The following BRF1 variants were observed in gnomAD, a reference collection of about 807,000 sequenced individuals.
BRF1 encodes BRF1 general transcription factor IIIB subunit.
In BRF1, 59 loss-of-function variants were observed where a neutral mutation model predicts 81.7. That is an observed-to-expected ratio of 0.72 (90% CI 0.59 to 0.90). BRF1 has a LOEUF of 0.90. Among genes scored for constraint, BRF1 ranks in the 40% least tolerant of loss-of-function variants. The pLI is 0.00. For missense variants in BRF1, 1,050 were observed against 936.3 expected (o/e 1.12, Z -1.58); for synonymous variants, 491 against 395.6 (o/e 1.24, Z -2.86).
chr14:105,222,300 A>T, intron 10 of BRF1: 1 of 183,360 alleles, frequency 5.5e-6, no homozygotes, highest in South Asian at 1.4e-4. Flanking sequence ...AAGACAGCCC[A>T]CAGGCTTATC....
chr14:105,256,389 T>TG, intron 4 of BRF1, 129 bp downstream of exon 4: 1 of 1,602,604 alleles, frequency 6.2e-7, no homozygotes. Flanking sequence ...ACTTCCTGAC[T>TG]GGGCAGGCAG....
intron 5 of BRF1, chr14:105,250,610 G>A: frequency 6.2e-7 from 1 of 1,613,998 alleles, no homozygotes; most frequent in Non-Finnish European, 8.5e-7. Flanking sequence ...GTGCTCCTCG[G>A]ACAGCACCAA....
rs1043557000 is a variant in BRF1 at position 105,241,208 on chromosome 14, A to G, written c.694+57T>C. 4.3e-5 allele frequency: 69 copies of G among 1,592,372 alleles called. 1 individual carries two copies. The highest frequency in any genetic ancestry group is 1.0e-4 in the Admixed American group (6 of 59,244). On this transcript the variant is annotated intron_variant, in intron 6 of 17. Transcript: ENST00000547530. Reference sequence around the variant, plus strand: ...AGCCCACCAGCACTCAGGAGTCAGGAAAGTGTGAGGCCAGGACCCAGACCA... The same window carrying G: ...AGCCCACCAGCACTCAGGAGTCAGGGAAGTGTGAGGCCAGGACCCAGACCA...
rs966714088 is a variant in BRF1, at chr14:105,269,748, A to G, written c.439+2973T>C. The stretch of plus-strand genomic sequence containing the variant: ...CCCATGAAGGCCCATGTCCCAGGGC[A>G]TCTGTCCCCCCCACAGGAGGCCCAG... On this transcript the variant is annotated intron_variant, in intron 3 of 17. Transcript: ENST00000547530. The surrounding 1 kb of genome is among the most constrained non-coding windows in gnomAD (Gnocchi z 5.0). 6.6e-6 allele frequency among the ~76,000 whole-genome samples: 1 copy of G among 152,160 alleles called. No homozygotes were observed. The highest frequency in any genetic ancestry group is 1.5e-5 in the Non-Finnish European group (1 of 68,002).
chr14:105,267,932 C>G (rs73353747), intron 3 of BRF1, among the ~76,000 whole-genome samples: 6,813 of 152,344 alleles, frequency 0.045, 525 homozygotes, highest in African/African-American at 0.16. Flanking sequence ...AGTGTGGCGG[C>G]TGGCGGCAGA....
chr14:105,241,589 G>A lies in BRF1; in HGVS notation c.545-175C>T, dbSNP rs142711972. The A allele has an allele frequency of 1.7e-4, 142 of 836,084 alleles. No homozygotes were observed. The East Asian group carries it at 3.6e-3, about 21-fold the overall frequency. The allele number at this position is 836,084 out of a possible 1,614,324, so 51.8% of individuals were successfully genotyped here. On this transcript the variant is annotated intron_variant, in intron 5 of 17. Transcript: ENST00000547530. ...CTGACCCTCAGCTAGGGCAGCCATC[G>A]CACCGAACCCAGGAGAGCCACTGGC...
At position 105,300,593 on chromosome 14, in the gene BRF1, C is replaced by A; in HGVS notation, c.37G>T (p.Asp13Tyr). The A allele has an allele frequency of 6.9e-7, 1 of 1,457,082 alleles. No individual in the cohort carries two copies. Among genetic ancestry groups the A allele is most frequent in the Non-Finnish European group, 9.0e-7 (1 of 1,108,344 alleles). The allele number at this position is 1,457,082 out of a possible 1,614,324, so 90.3% of individuals were successfully genotyped here. ...CCGCGCGCCGCGTCCAGCTCGATGTCCGTGCCGCCGCAACCGCGGCACACG... is the reference window on the plus strand; with the variant it reads ...CCGCGCGCCGCGTCCAGCTCGATGTACGTGCCGCCGCAACCGCGGCACACG... ...GRVCRGCGGT[D>Y]IELDAARGDA... The change falls in exon 1 of 18, where the codon GAC (aspartate) becomes TAC (tyrosine). Residue 13 changes from aspartate to tyrosine, a missense_variant. This residue lies in a region of BRF1 where 1,043 missense variants were observed against 915.4 expected (regional missense o/e 1.14). Coordinates refer to ENST00000547530, the MANE Select transcript of BRF1 (RefSeq NM_001519.4).
intron 5 of BRF1, chr14:105,249,302 G>A: frequency 1.3e-6 from 2 of 1,583,996 alleles, no homozygotes; most frequent in Non-Finnish European, 8.6e-7. Flanking sequence ...CGTCCGCCGT[G>A]TGGCTGACAC....
At chr14:105,310,533 CAAAAAAAAAA>C (rs764203821) in intron 1 of BRF1, among the ~76,000 whole-genome samples, 5 of 79,742 alleles carry the variant, frequency 6.3e-5, no homozygotes, top group Non-Finnish European at 9.1e-5. Flanking sequence ...GACTCTGTCT[CAAAAAAAAAA>C]AAAAAAAAAA....
At chr14:105,297,622 G>C (rs752168593) in intron 1 of BRF1, among the ~76,000 whole-genome samples, 2 of 152,036 alleles carry the variant, frequency 1.3e-5, no homozygotes, top group African/African-American at 4.8e-5. Context: ...ATATCAAGAG[G>C]TTTAATGCAA....
At chr14:105,270,791 GAA>G (rs78282645) in intron 3 of BRF1, among the ~76,000 whole-genome samples, 5 of 137,012 alleles carry the variant, frequency 3.6e-5, no homozygotes, top group Non-Finnish European at 4.8e-5. Flanking sequence ...ACCCTGTCTG[GAA>G]AAAAAAAAAA....
chr14:105,229,643 C>CG (rs1259085093), intron 6 of BRF1, among the ~76,000 whole-genome samples: 2 of 150,936 alleles, frequency 1.3e-5, no homozygotes, highest in Non-Finnish European at 1.5e-5. Flanking sequence ...CAGCTGGGGG[C>CG]GGGGGACAGC....
chr14:105,242,887 G>A (rs977172632), intron 5 of BRF1, among the ~76,000 whole-genome samples: 5 of 152,096 alleles, frequency 3.3e-5, no homozygotes, highest in African/African-American at 9.7e-5. Flanking sequence ...AGATTAGGGC[G>A]GGTGGATGAC....
At position 105,268,863 on chromosome 14, in the gene BRF1, G is replaced by A. The variant is rs192647785; in HGVS notation, c.439+3858C>T. Among the ~76,000 whole-genome samples, 458 of 152,314 alleles carry A rather than the reference G, an allele frequency of 3.0e-3. 3 individuals carry two copies. The highest frequency in any genetic ancestry group is 0.011 in the African/African-American group (449 of 41,580). ...GTGACGGGAGCTGTGCAGGCAGCAG[G>A]GCTGGGCCAAGCAGCCCTGTCTCGG... On this transcript the variant is annotated intron_variant, in intron 3 of 17. Coordinates refer to ENST00000547530, the MANE Select transcript of BRF1 (RefSeq NM_001519.4).
chr14:105,259,574 C>T (rs1242716275), intron 3 of BRF1, among the ~76,000 whole-genome samples: 3 of 152,228 alleles, frequency 2.0e-5, no homozygotes, highest in Non-Finnish European at 2.9e-5. Context: ...CTGGTATTCA[C>T]ACAGCAATAC....
intron 3 of BRF1, among the ~76,000 whole-genome samples, chr14:105,265,914 A>AG (rs1241491620): frequency 1.3e-5 from 2 of 150,592 alleles, no homozygotes; most frequent in African/African-American, 2.4e-5. Context: ...AAAAAAAAAA[A>AG]AAAAAAATTA....
chr14:105,299,594 G>T (rs186624077), intron 1 of BRF1, among the ~76,000 whole-genome samples: 1 of 152,168 alleles, frequency 6.6e-6, no homozygotes, highest in African/African-American at 2.4e-5. Context: ...AAAAAAATAA[G>T]ACTTGAGCAC....
intron 15 of BRF1, among the ~76,000 whole-genome samples, chr14:105,215,814 CACACACACAT>C (rs773232096): frequency 3.8e-4 from 55 of 146,568 alleles, no homozygotes; most frequent in African/African-American, 1.2e-3. Flanking sequence ...CATACACAGG[CACACACACAT>C]GCACACACAC....
chr14:105,283,554 G>A (rs2057198077), intron 2 of BRF1, among the ~76,000 whole-genome samples: 2 of 152,206 alleles, frequency 1.3e-5, no homozygotes, highest in Admixed American at 1.3e-4. Flanking sequence ...CCCCTAATTA[G>A]GGAGCATGTA....
Sources: gnomAD v4.1 joint callset for allele counts (sites outside exome capture counted in the v4.1 genomes callset) on GRCh38, gnomAD v4.1.1 for gene constraint, gnomAD v4.1.1 regional missense constraint, Gnocchi (gnomAD v3.1) non-coding constraint, MANE v1.5 for transcripts, NCBI Gene and HGNC (gene_info 2026-07-23, HGNC 2026-07-21) for gene names.